The following ABCA8 variants were observed in gnomAD, a reference collection of about 807,000 sequenced individuals.
ABCA8 encodes the protein ABC-type organic anion transporter ABCA8.
A neutral mutation model predicts 192.3 loss-of-function variants in ABCA8; 177 were observed. That is an observed-to-expected ratio of 0.92 (90% CI 0.81 to 1.04). The LOEUF is 1.04. Ranked by LOEUF, ABCA8 falls within the 50% of genes least tolerant of loss-of-function variation. The pLI, the probability that ABCA8 is intolerant of heterozygous loss-of-function variation, is 0.00. For synonymous variants in ABCA8, 642 were observed against 690.2 expected (o/e 0.93, Z 1.09); for missense variants, 1,915 against 1,904.8 (o/e 1.01, Z -0.10).
chr17:68,928,080 A>G lies in ABCA8; in HGVS notation c.1126-17T>C. The G allele has an allele frequency of 6.4e-7, 1 of 1,559,460 alleles. No homozygotes were observed. The highest frequency in any genetic ancestry group is 8.7e-7 in the Non-Finnish European group (1 of 1,148,834). ...GTGTAAAAGCTGAAAATTAAAAAGTAATTAATTAAGGGAAATTAGGTATAA... is the reference window on the plus strand; with the variant it reads ...GTGTAAAAGCTGAAAATTAAAAAGTGATTAATTAAGGGAAATTAGGTATAA... On this transcript the variant is annotated splice_polypyrimidine_tract_variant and intron_variant, in intron 9 of 39. Transcript: ENST00000586539.
rs545622160 is a variant in ABCA8 at position 68,943,204 on chromosome 17, G to A, written c.-5-1165C>T. Among the ~76,000 whole-genome samples the A allele has an allele frequency of 3.9e-5, 6 of 152,110 alleles. No homozygotes were observed. The South Asian group carries it at 6.2e-4, about 16-fold the overall frequency. On this transcript the variant is annotated intron_variant, in intron 2 of 39. Coordinates refer to ENST00000586539, the MANE Select transcript of ABCA8 (RefSeq NM_001288985.2). ...ATCACCATAGTTTGGCCTGGAAAAA[G>A]CTTTACATTGTCTTTTTAAAATGTC...
At position 68,921,365 on chromosome 17, in the gene ABCA8, A is replaced by C. The variant is rs1224847935; in HGVS notation, c.1612+17T>G. On this transcript the variant is annotated intron_variant, in intron 13 of 39. Transcript: ENST00000586539. The stretch of plus-strand genomic sequence containing the variant: ...TAAAGTATAATTTAAAAAAAAAGAA[A>C]ACAAACTAGTTTGTACCTTTGGTGG... 1.4e-5 allele frequency: 22 copies of C among 1,562,450 alleles called. No homozygotes were observed. The highest frequency in any genetic ancestry group is 1.9e-5 in the Non-Finnish European group (22 of 1,147,452).
chr17:68,878,801 C>T (rs1046888112), intron 32 of ABCA8: 1 of 152,216 alleles, frequency 6.6e-6, no homozygotes, highest in Non-Finnish European at 1.5e-5. Context: ...CCTTCATGAA[C>T]ATCTGCTCTC....
chr17:68,927,207 G>A (rs998339584), intron 10 of ABCA8, among the ~76,000 whole-genome samples: 5 of 152,080 alleles, frequency 3.3e-5, no homozygotes, highest in African/African-American at 7.2e-5. Flanking sequence ...TCAGTGAGCC[G>A]AGATTGTGCC....
intron 24 of ABCA8, among the ~76,000 whole-genome samples, chr17:68,888,440 C>A (rs1351302633): frequency 6.6e-6 from 1 of 151,960 alleles, no homozygotes; most frequent in Non-Finnish European, 1.5e-5. Context: ...AATGCTCCTG[C>A]CTGAGACATA....
At chr17:68,870,222 C>T (rs932346091) in intron 37 of ABCA8, among the ~76,000 whole-genome samples, 2 of 152,190 alleles carry the variant, frequency 1.3e-5, no homozygotes, top group African/African-American at 4.8e-5. Flanking sequence ...TAGAACACCC[C>T]TTTTCTCTCA....
In ABCA8 at chr17:68,923,640, C is replaced by G. The variant is rs939773363; in HGVS notation, c.1442+1061G>C. On this transcript the variant is annotated intron_variant, in intron 11 of 39. Coordinates refer to ENST00000586539, the MANE Select transcript of ABCA8 (RefSeq NM_001288985.2). ...CACCTCAAATAAAGCCACTGTTTTG[C>G]TCTGAGCTGCTCTGCTAGAGTAAAC... 2.0e-5 allele frequency among the ~76,000 whole-genome samples: 3 copies of G among 152,196 alleles called. No homozygotes were observed. In the South Asian group the frequency reaches 6.2e-4, roughly 31 times the overall value.
At chr17:68,926,838 T>G (rs1424545746) in intron 10 of ABCA8, among the ~76,000 whole-genome samples, 1 of 152,214 alleles carries the variant, frequency 6.6e-6, no homozygotes, top group Non-Finnish European at 1.5e-5. Context: ...CCCTTTCCCC[T>G]TCTTCCCTTT....
chr17:68,924,593 G>T, intron 11 of ABCA8, 108 bp downstream of exon 11: 2 of 1,222,300 alleles, frequency 1.6e-6, no homozygotes, highest in Non-Finnish European at 2.3e-6. Flanking sequence ...CATAGGTGAG[G>T]ACAGGTGGGA....
At chr17:68,878,998 G>T (rs1406176197) in intron 32 of ABCA8, 1 of 152,172 alleles carries the variant, frequency 6.6e-6, no homozygotes, top group African/African-American at 2.4e-5. Context: ...CTTTGTAAAA[G>T]AGTTCTTAAG....
intron 21 of ABCA8, among the ~76,000 whole-genome samples, chr17:68,901,825 A>C (rs570199710): frequency 2.3e-4 from 33 of 144,104 alleles, no homozygotes; most frequent in Admixed American, 4.9e-4. Context: ...AAAAAAAAAA[A>C]CCCCACAAAA....
At chr17:68,939,119 T>C (rs1598288091) in intron 4 of ABCA8, among the ~76,000 whole-genome samples, 1 of 152,150 alleles carries the variant, frequency 6.6e-6, no homozygotes, top group East Asian at 1.9e-4. Flanking sequence ...ACCATTACCA[T>C]GAGCATCTCA....
intron 26 of ABCA8, chr17:68,886,711 A>T (rs1340088697): frequency 6.1e-6 from 1 of 163,812 alleles, no homozygotes; most frequent in East Asian, 1.7e-4. Flanking sequence ...GAAGTCAACA[A>T]TTATTTATTG....
chr17:68,904,186 G>T, intron 19 of ABCA8, among the ~76,000 whole-genome samples: 1 of 151,758 alleles, frequency 6.6e-6, no homozygotes, highest in East Asian at 1.9e-4. Context: ...GGAAGCTGAG[G>T]CAGGAGAATG....
intron 30 of ABCA8, 43 bp downstream of exon 30, chr17:68,882,556 C>A: frequency 6.4e-7 from 1 of 1,561,480 alleles, no homozygotes; most frequent in Non-Finnish European, 8.7e-7. Context: ...GAGAATTAGA[C>A]TGGTAGACTG....
Position 68,882,592 on chromosome 17 carries a change from G to A in ABCA8, c.3828+7C>T. On this transcript the variant is annotated splice_region_variant and intron_variant, in intron 30 of 39. Transcript: ENST00000586539. ...ACTAATAAAAAAACCTTTGTGTTAT[G>A]TTTTACCTCATCAAAATTAGTAGAA... 1 of 1,609,906 alleles carries A rather than the reference G, an allele frequency of 6.2e-7. No homozygotes were observed. Among genetic ancestry groups the A allele is most frequent in the Non-Finnish European group, 8.5e-7 (1 of 1,178,322 alleles).
chr17:68,868,455 A>C, intron 38 of ABCA8, 99 bp from the exon 39 acceptor site: 1 of 1,023,340 alleles, frequency 9.8e-7, no homozygotes. Flanking sequence ...AAAATCTTAA[A>C]TAGGTTAAGG....
Position 68,876,703 on chromosome 17 carries a change from C to T in ABCA8, c.4200G>A (p.Arg1400=). 1.2e-6 allele frequency: 2 copies of T among 1,614,098 alleles called. No homozygotes were observed. The highest frequency in any genetic ancestry group is 1.1e-5 in the South Asian group (1 of 91,076). The change falls in exon 34 of 40, where the codon CGG becomes CGA. Residue 1400 remains arginine (R), a splice_region_variant and synonymous_variant. Coordinates refer to ENST00000586539, the MANE Select transcript of ABCA8 (RefSeq NM_001288985.2). ...RKGDAEVAIT[R]LVDALKLQDQ... ...CCTGCAGCTTGAGCGCATCCACTAA[C>T]CTGAAGGAAACAGGAGAGTCGTACA...
intron 15 of ABCA8, 26 bp from the exon 16 acceptor site, chr17:68,918,211 C>A (rs367597953): frequency 6.2e-7 from 1 of 1,611,910 alleles, no homozygotes; most frequent in South Asian, 1.1e-5. Flanking sequence ...GTATATAAGG[C>A]GGTTTTCCTC....
Sources: allele counts gnomAD v4.1 joint callset (sites outside exome capture counted in the v4.1 genomes callset), GRCh38; gene constraint gnomAD v4.1.1; transcripts MANE v1.5; gene names NCBI Gene and HGNC (gene_info 2026-07-23, HGNC 2026-07-21).